Variants in KBTBD8 observed in about 807,000 individuals in gnomAD.
The protein encoded by KBTBD8 is kelch repeat and BTB domain containing 8.
A neutral mutation model predicts 53.5 loss-of-function variants in KBTBD8; 31 were observed. The ratio of observed to expected loss-of-function variants is 0.58; its 90% CI spans 0.44 to 0.78. The LOEUF (loss-of-function observed/expected upper bound fraction) is 0.78, where lower values mean the gene tolerates loss of function less well. Among genes scored for constraint, KBTBD8 ranks in the 30% least tolerant of loss-of-function variants. The pLI is 0.00. For synonymous variants in KBTBD8, 250 were observed against 247.3 expected (o/e 1.01, Z -0.10); for missense variants, 642 against 735.8 (o/e 0.87, Z 1.48).
chr3:67,004,139 A>G lies in KBTBD8; in HGVS notation c.1172A>G (p.Lys391Arg). 1 of 1,614,238 alleles carries G rather than the reference A, an allele frequency of 6.2e-7. No homozygotes were observed. The highest frequency in any genetic ancestry group is 8.5e-7 in the Non-Finnish European group (1 of 1,180,030). ...TGCAAACTTGTCTATTGCTGTGGTA[A>G]AATGTATGCAATCGGAGGTCGTGTT... ...IGCKLVYCCG[K>R]MYAIGGRVYE... The change falls in exon 3 of 4, where the codon AAA (lysine) becomes AGA (arginine). Residue 391 changes from lysine to arginine, a missense_variant. Coordinates refer to ENST00000417314, the MANE Select transcript of KBTBD8 (RefSeq NM_032505.3).
chr3:66,999,252 T>C, intron 2 of KBTBD8, 61 bp downstream of exon 2: 2 of 1,258,818 alleles, frequency 1.6e-6, no homozygotes, highest in Non-Finnish European at 2.3e-6. Flanking sequence ...CCCCTCAGTA[T>C]TGTCCACTTG....
intron 1 of KBTBD8, 33 bp downstream of exon 1, chr3:66,998,404 G>A (rs1701981504): frequency 3.9e-6 from 5 of 1,278,760 alleles, no homozygotes; most frequent in Non-Finnish European, 5.0e-6. Context: ...CGGCGTGGAG[G>A]GAGGTGAGGG....
intron 2 of KBTBD8, among the ~76,000 whole-genome samples, 155 bp downstream of exon 2, chr3:66,999,346 A>T (rs776311786): frequency 6.6e-6 from 1 of 152,090 alleles, no homozygotes; most frequent in Non-Finnish European, 1.5e-5. Context: ...CTTAACTAAG[A>T]CCTTCTTTTG....
intron 2 of KBTBD8, 104 bp downstream of exon 2, chr3:66,999,295 AC>A: frequency 1.1e-6 from 1 of 914,670 alleles, no homozygotes; most frequent in Non-Finnish European, 1.8e-6. Context: ...ATGAAATGAA[AC>A]CAATGACTTT....
chr3:67,007,021 T>C (rs1702069026), intron 3 of KBTBD8, among the ~76,000 whole-genome samples: 1 of 152,168 alleles, frequency 6.6e-6, no homozygotes, highest in East Asian at 1.9e-4. Flanking sequence ...TCACAAACCA[T>C]GTATGTGTTT....
Position 67,008,783 on chromosome 3 carries a change from C to T in KBTBD8, c.*398C>T, listed in dbSNP as rs536361860. 4.0e-5 allele frequency: 7 copies of T among 176,384 alleles called. No homozygotes were observed. Among genetic ancestry groups the T allele is most frequent in the Admixed American group, 1.1e-4 (2 of 18,582 alleles). 10.9% of individuals were successfully genotyped at this position (176,384 alleles called of 1,614,324 possible). A position where few individuals can be genotyped will look rare whatever the true frequency, so the allele number is the denominator to read the frequency against. ...TTTAAATACGGGTAACAATCTGAGG[C>T]AATATCACTAGGACTTTAGCTGTGA... On this transcript the variant is annotated 3_prime_UTR_variant, in exon 4 of 4. Transcript: ENST00000417314.
chr3:67,002,363 T>C (rs1575579170), intron 2 of KBTBD8, among the ~76,000 whole-genome samples: 1 of 152,208 alleles, frequency 6.6e-6, no homozygotes, highest in African/African-American at 2.4e-5. Context: ...ATATGTACTT[T>C]TAAAGAACTT....
In KBTBD8 at chr3:67,011,181, T is replaced by A. The variant is rs192441267; in HGVS notation, c.*2796T>A. The A allele has an allele frequency of 9.8e-5, 15 of 152,722 alleles. No individual in the cohort carries two copies. In the East Asian group the frequency reaches 2.3e-3, roughly 24 times the overall value. 9.5% of individuals were successfully genotyped at this position (152,722 alleles called of 1,614,324 possible). On this transcript the variant is annotated 3_prime_UTR_variant, in exon 4 of 4. Transcript: ENST00000417314. The stretch of plus-strand genomic sequence containing the variant: ...TGCATTTTTACCTGATGTCATTGTT[T>A]CTTATAATAAAACCTTTTCTGATTG...
chr3:67,007,460 AG>A (rs1702077974), intron 3 of KBTBD8, among the ~76,000 whole-genome samples: 1 of 151,964 alleles, frequency 6.6e-6, no homozygotes, highest in South Asian at 2.1e-4. Context: ...CTGGAATTAC[AG>A]GTGCCTGCCA....
chr3:67,001,437 T>C (rs550570014), intron 2 of KBTBD8, among the ~76,000 whole-genome samples: 1 of 152,308 alleles, frequency 6.6e-6, no homozygotes, highest in Non-Finnish European at 1.5e-5. Context: ...GCTTCATTTA[T>C]GTTGAGTTTA....
At chr3:66,998,416 G>A (rs1701981711) in intron 1 of KBTBD8, 45 bp downstream of exon 1, 2 of 1,013,482 alleles carry the variant, frequency 2.0e-6, no homozygotes, top group Admixed American at 4.3e-5. Flanking sequence ...AGGTGAGGGG[G>A]AAGGTGGGCC....
chr3:67,007,201 C>T (rs1318469259), intron 3 of KBTBD8, among the ~76,000 whole-genome samples: 1 of 152,056 alleles, frequency 6.6e-6, no homozygotes, highest in Non-Finnish European at 1.5e-5. Context: ...GATGATGTTA[C>T]ATGTATGCAT....
chr3:67,008,177 A>G lies in KBTBD8; in HGVS notation c.1598A>G (p.Lys533Arg). Reference protein sequence around the residue: ...PYLKLVLFQNKLHLFVRATQV... With the variant: ...PYLKLVLFQNRLHLFVRATQV... ...CTTAAACTGGTACTTTTCCAGAACA[A>G]ACTCCATTTATTTGTTCGAGCTACT... is the stretch of plus-strand genomic sequence containing the variant. The change falls in exon 4 of 4, where the codon AAA becomes AGA. Residue 533 changes from lysine to arginine, a missense_variant. Coordinates refer to ENST00000417314, the MANE Select transcript of KBTBD8 (RefSeq NM_032505.3). The G allele has an allele frequency of 6.2e-7, 1 of 1,614,140 alleles. No homozygotes were observed.
rs937782312 is a variant in KBTBD8 at position 67,008,544 on chromosome 3, T to A, written c.*159T>A. 1.9e-6 allele frequency: 1 copy of A among 529,746 alleles called. No homozygotes were observed. The highest frequency in any genetic ancestry group is 3.3e-6 in the Non-Finnish European group (1 of 302,332). 32.8% of individuals were successfully genotyped at this position (529,746 alleles called of 1,614,324 possible). A position where few individuals can be genotyped will look rare whatever the true frequency, so the allele number is the denominator to read the frequency against. ...CAGGGTAGGGAGGGATTTTCCTTCA[T>A]CCTTGTGACATTTCATTTCAGTAAG... On this transcript the variant is annotated 3_prime_UTR_variant, in exon 4 of 4. Coordinates refer to ENST00000417314, the MANE Select transcript of KBTBD8 (RefSeq NM_032505.3).
Position 67,004,154 on chromosome 3 carries a change from G to T in KBTBD8, c.1187G>T (p.Gly396Val). The T allele has an allele frequency of 6.2e-7, 1 of 1,614,202 alleles. No individual in the cohort carries two copies. Among genetic ancestry groups the T allele is most frequent in the Non-Finnish European group, 8.5e-7 (1 of 1,180,032 alleles). ...TGCTGTGGTAAAATGTATGCAATCG[G>T]AGGTCGTGTTTATGAAGGTGATGGG... ...VYCCGKMYAI[G>V]GRVYEGDGRN... Residue 396 changes from glycine (G) to valine (V), a missense_variant, in exon 3 of 4, where the codon GGA becomes GTA. Coordinates refer to ENST00000417314, the MANE Select transcript of KBTBD8 (RefSeq NM_032505.3).
In KBTBD8 at chr3:67,000,701, C is replaced by T. The variant is rs187569864; in HGVS notation, c.227+1510C>T. Among the ~76,000 whole-genome samples the T allele has an allele frequency of 2.1e-3, 324 of 152,048 alleles. 2 individuals are homozygous for T. The highest frequency in any genetic ancestry group is 7.4e-3 in the African/African-American group (305 of 41,464). On this transcript the variant is annotated intron_variant, in intron 2 of 3. Transcript: ENST00000417314. ...TTTAAAACATTTTTATTGTATATTG[C>T]ATTTGAATAGTAAAAACAAAAACAA...
chr3:67,006,719 G>C (rs144973402), intron 3 of KBTBD8, among the ~76,000 whole-genome samples: 4 of 152,302 alleles, frequency 2.6e-5, no homozygotes, highest in African/African-American at 9.6e-5. Context: ...TCAAGGGGAA[G>C]CTCAATTTAG....
rs536406085 is a variant in KBTBD8, at chr3:67,008,327, G to A, written c.1748G>A (p.Arg583Gln). ...CCAGATCGGCTCTGGGACCTTGGCC[G>A]GCATTTTGAATGTGCTGTTGCTAAA... ...ETPDRLWDLG[R>Q]HFECAVAKLY... Residue 583 changes from arginine to glutamine, a missense_variant, in exon 4 of 4, where the codon CGG (arginine) becomes CAG (glutamine). Physicochemically the swap from Arg to Gln is conservative, Grantham distance 43. Coordinates refer to ENST00000417314, the MANE Select transcript of KBTBD8 (RefSeq NM_032505.3). 32 of 1,613,432 alleles carry A rather than the reference G, an allele frequency of 2.0e-5. No homozygotes were observed. The highest frequency in any genetic ancestry group is 4.5e-5 in the East Asian group (2 of 44,882).
rs1702109959 is a variant in KBTBD8 at position 67,010,735 on chromosome 3, T to C, written c.*2350T>C. 1 of 150,866 alleles carries C rather than the reference T, an allele frequency of 6.6e-6. No individual in the cohort carries two copies. The highest frequency in any genetic ancestry group is 2.4e-5 in the African/African-American group (1 of 41,322). The allele number at this position is 150,866 out of a possible 1,614,324, so 9.3% of individuals were successfully genotyped here. A position where few individuals can be genotyped will look rare whatever the true frequency, so the allele number is the denominator to read the frequency against. ...AGATATTTAAGGTGCATTTTCATAG[T>C]GTGGTAAGACCTTAAGTAAAAGGCA... On this transcript the variant is annotated 3_prime_UTR_variant, in exon 4 of 4. Coordinates refer to ENST00000417314, the MANE Select transcript of KBTBD8 (RefSeq NM_032505.3).
Sources: allele counts gnomAD v4.1 joint callset (sites outside exome capture counted in the v4.1 genomes callset), GRCh38; gene constraint gnomAD v4.1.1; transcripts MANE v1.5; gene names NCBI Gene and HGNC (gene_info 2026-07-23, HGNC 2026-07-21).